The following MTNR1B variants were observed in gnomAD, a reference collection of about 807,000 sequenced individuals.
MTNR1B encodes melatonin receptor type 1B.
In MTNR1B, 7 loss-of-function variants were observed where a neutral mutation model predicts 7.0. That is an observed-to-expected ratio of 1.00 (90% CI 0.57 to 1.88). The LOEUF (loss-of-function observed/expected upper bound fraction) is 1.88, where lower values mean the gene tolerates loss of function less well. Ranked by LOEUF, MTNR1B falls within the 40% of genes most tolerant of loss-of-function variation. MTNR1B has a pLI of 0.00. For missense variants in MTNR1B, 478 were observed against 486.5 expected, an observed-to-expected ratio of 0.98 and a Z score of 0.16; for synonymous variants, 226 against 208.2, an observed-to-expected ratio of 1.09 and a Z score of -0.74.
Position 92,981,383 on chromosome 11 carries a change from G to A in MTNR1B, c.224-64G>A, listed in dbSNP as rs541462170. The A allele has an allele frequency of 1.1e-5, 17 of 1,549,906 alleles. No homozygotes were observed. In the African/African-American group the frequency reaches 1.8e-4, roughly 16 times the overall value. The stretch of plus-strand genomic sequence containing the variant: ...GCCAAAAGTAACTTCGTGGAGGGTA[G>A]GATGTTCTACAGAATCTAAGTCGTG... On this transcript the variant is annotated intron_variant, in intron 1 of 1. Coordinates refer to ENST00000257068, the MANE Select transcript of MTNR1B (RefSeq NM_005959.5).
chr11:92,970,616 T>C (rs998339448), intron 1 of MTNR1B, among the ~76,000 whole-genome samples: 1 of 152,204 alleles, frequency 6.6e-6, no homozygotes, highest in African/African-American at 2.4e-5. Flanking sequence ...AATCGTGTTG[T>C]AATCCTGAAA....
In MTNR1B at chr11:92,982,617, C is replaced by T. The variant is rs977493799; in HGVS notation, c.*305C>T. 1.1e-5 allele frequency: 4 copies of T among 371,158 alleles called. No individual in the cohort carries two copies. The highest frequency in any genetic ancestry group is 1.9e-5 in the Non-Finnish European group (4 of 205,266). The allele number at this position is 371,158 out of a possible 1,614,324, so 23.0% of individuals were successfully genotyped here. On this transcript the variant is annotated 3_prime_UTR_variant, in exon 2 of 2. Transcript: ENST00000257068. ...GGCCTGGGGCAGAAGAGCCCAACTC[C>T]TTCTCATAGCTGACCCTCATCCTCC...
At position 92,981,632 on chromosome 11, in the gene MTNR1B, A is replaced by G. The variant is rs2136518210; in HGVS notation, c.409A>G (p.Asn137Asp). Residue 137 changes from asparagine to aspartate, a missense_variant, in exon 2 of 2, where the codon AAC becomes GAC. Coordinates refer to ENST00000257068, the MANE Select transcript of MTNR1B (RefSeq NM_005959.5). ...CTTCAATATCACTGCCATCGCCATTAACCGCTACTGCTACATCTGCCACAG... is the reference window on the plus strand; with the variant it reads ...CTTCAATATCACTGCCATCGCCATTGACCGCTACTGCTACATCTGCCACAG... ...SVFNITAIAI[N>D]RYCYICHSMA... 6.2e-7 allele frequency: 1 copy of G among 1,614,130 alleles called. No individual in the cohort carries two copies.
At chr11:92,979,902 AC>A (rs1430219749) in intron 1 of MTNR1B, among the ~76,000 whole-genome samples, 1 of 151,774 alleles carries the variant, frequency 6.6e-6, no homozygotes, top group East Asian at 1.9e-4. Flanking sequence ...TCCTTTTCCT[AC>A]CCTTGTGGGT....
chr11:92,981,159 A>G (rs1858096253), intron 1 of MTNR1B, among the ~76,000 whole-genome samples: 1 of 152,178 alleles, frequency 6.6e-6, no homozygotes, highest in Non-Finnish European at 1.5e-5. Context: ...GCACCTGTTA[A>G]ATCCCTGAGC....
downstream of MTNR1B, among the ~76,000 whole-genome samples, chr11:92,983,246 T>C (rs537606297): frequency 5.3e-5 from 8 of 152,030 alleles, no homozygotes; most frequent in South Asian, 1.0e-3. Flanking sequence ...AGGAGAAAAG[T>C]CATATACAAA....
At chr11:92,973,367 T>C (rs1411594945) in intron 1 of MTNR1B, among the ~76,000 whole-genome samples, 1 of 152,190 alleles carries the variant, frequency 6.6e-6, no homozygotes, top group Admixed American at 6.5e-5. Context: ...CTGTTACCAC[T>C]GCCAAGAGTT....
chr11:92,969,893 G>C lies in MTNR1B; in HGVS notation c.168G>C (p.Val56=). ...VLIVTTAVDV[V]GNLLVILSVL... ...TCGTCACCACCGCCGTGGACGTCGT[G>C]GGCAACCTCCTGGTGATCCTCTCCG... Residue 56 remains valine, a synonymous_variant, in exon 1 of 2, where the codon GTG becomes GTC. Coordinates refer to ENST00000257068, the MANE Select transcript of MTNR1B (RefSeq NM_005959.5). The C allele has an allele frequency of 6.2e-7, 1 of 1,612,344 alleles. No homozygotes were observed. Among genetic ancestry groups the C allele is most frequent in the African/African-American group, 1.3e-5 (1 of 74,946 alleles).
chr11:92,971,004 G>GGCT, intron 1 of MTNR1B, among the ~76,000 whole-genome samples: 1 of 151,962 alleles, frequency 6.6e-6, no homozygotes, highest in African/African-American at 2.4e-5. Flanking sequence ...CTGTCACCCA[G>GGCT]GCTGGAGTGC....
chr11:92,980,916 A>T (rs1195221297), intron 1 of MTNR1B, among the ~76,000 whole-genome samples: 4 of 152,210 alleles, frequency 2.6e-5, no homozygotes, highest in Admixed American at 1.3e-4. Context: ...CATTTACAAA[A>T]CCCATGTAAA....
At chr11:92,981,307 C>T in intron 1 of MTNR1B, 140 bp from the exon 2 acceptor site, 1 of 1,206,626 alleles carries the variant, frequency 8.3e-7, no homozygotes, top group Non-Finnish European at 1.2e-6. Context: ...GAAATGCAAT[C>T]TGAGTCTTCA....
In MTNR1B at chr11:92,969,939, C is replaced by T. The variant is rs1324543946; in HGVS notation, c.214C>T (p.Arg72Trp). 1.2e-6 allele frequency: 2 copies of T among 1,610,680 alleles called. No individual in the cohort carries two copies. The highest frequency in any genetic ancestry group is 4.5e-5 in the East Asian group (2 of 44,764). Reference sequence around the variant, plus strand: ...CTCCGTGCTCAGGAACCGCAAGCTCCGGAACGCAGGTGAGCACCATTCCTG... The same window carrying T: ...CTCCGTGCTCAGGAACCGCAAGCTCTGGAACGCAGGTGAGCACCATTCCTG... Reference protein sequence around the residue: ...ILSVLRNRKLRNAGNLFLVSL... With the variant: ...ILSVLRNRKLWNAGNLFLVSL... The change falls in exon 1 of 2, where the codon CGG becomes TGG. Residue 72 changes from arginine (R) to tryptophan (W), a missense_variant. Arg to Trp is a moderately radical substitution (Grantham distance 101, BLOSUM62 -3). Transcript: ENST00000257068.
intron 1 of MTNR1B, among the ~76,000 whole-genome samples, chr11:92,976,886 A>G (rs575655187): frequency 6.6e-6 from 1 of 152,344 alleles, no homozygotes; most frequent in East Asian, 1.9e-4. Context: ...TTATCTATAA[A>G]ACAGAAATCA....
intron 1 of MTNR1B, among the ~76,000 whole-genome samples, chr11:92,975,743 C>T (rs1858001264): frequency 6.6e-6 from 1 of 152,136 alleles, no homozygotes; most frequent in South Asian, 2.1e-4. Context: ...TCTGGAAGGC[C>T]TAGAGTGAAA....
intron 1 of MTNR1B, chr11:92,972,422 C>A (rs1321104638): frequency 1.1e-5 from 5 of 456,160 alleles, no homozygotes; most frequent in South Asian, 7.7e-5. Context: ...CTCCTGATGG[C>A]AGGGTGAGTG....
intron 1 of MTNR1B, among the ~76,000 whole-genome samples, chr11:92,972,205 T>C (rs552506350): frequency 3.3e-5 from 5 of 152,370 alleles, no homozygotes; most frequent in East Asian, 3.9e-4. Flanking sequence ...TCTTCAGACC[T>C]TTCTGTACTT....
intron 1 of MTNR1B, among the ~76,000 whole-genome samples, chr11:92,972,145 TAATC>T (rs1857936936): frequency 6.6e-6 from 1 of 152,202 alleles, no homozygotes; most frequent in South Asian, 2.1e-4. Context: ...ATTCTACTCT[TAATC>T]AGGCCTTGTC....
rs771582636 is a variant in MTNR1B, at chr11:92,981,645, A to G, written c.422A>G (p.Tyr141Cys). ...ITAIAINRYC[Y>C]ICHSMAYHRI... Reference sequence around the variant, plus strand: ...GCCATCGCCATTAACCGCTACTGCTACATCTGCCACAGCATGGCCTACCAC... The same window carrying G: ...GCCATCGCCATTAACCGCTACTGCTGCATCTGCCACAGCATGGCCTACCAC... Residue 141 changes from tyrosine (Y) to cysteine (C), a missense_variant, in exon 2 of 2, where the codon TAC becomes TGC. Tyr to Cys is a radical substitution (Grantham distance 194). Transcript: ENST00000257068. The G allele has an allele frequency of 4.3e-6, 7 of 1,614,178 alleles. No homozygotes were observed. Among genetic ancestry groups the G allele is most frequent in the Non-Finnish European group, 5.9e-6 (7 of 1,180,032 alleles).
chr11:92,972,467 C>T (rs936371198), intron 1 of MTNR1B: 4 of 455,532 alleles, frequency 8.8e-6, no homozygotes, highest in Non-Finnish European at 1.8e-5. Flanking sequence ...TCAGGGATAT[C>T]CTATCTGTAG....
Sources: gnomAD v4.1 joint callset for allele counts (sites outside exome capture counted in the v4.1 genomes callset) on GRCh38, gnomAD v4.1.1 for gene constraint, MANE v1.5 for transcripts, NCBI Gene and HGNC (gene_info 2026-07-23, HGNC 2026-07-21) for gene names.